ANO10: variants seen among roughly 807,000 people sequenced by gnomAD.
ANO10 encodes the protein anoctamin 10.
In ANO10, 77 loss-of-function variants were observed where a neutral mutation model predicts 74.7. The observed-to-expected ratio is 1.03, with a 90% confidence interval of 0.86 to 1.25. ANO10 has a LOEUF of 1.25. Ranked by LOEUF, ANO10 falls within the 50% of genes most tolerant of loss-of-function variation. The pLI, the probability that ANO10 is intolerant of heterozygous loss-of-function variation, is 0.00. For missense variants in ANO10, 721 were observed against 778.1 expected, an observed-to-expected ratio of 0.93 and a Z score of 0.87; for synonymous variants, 279 against 284.9, an observed-to-expected ratio of 0.98 and a Z score of 0.21.
intron 7 of ANO10, among the ~76,000 whole-genome samples, chr3:43,567,314 A>G (rs529777114): frequency 6.6e-6 from 1 of 151,444 alleles, no homozygotes; most frequent in African/African-American, 2.4e-5. Context: ...CAACGTTCAG[A>G]TTCAGGAAAT....
At chr3:43,451,087 A>AT (rs2074846229) in intron 11 of ANO10, among the ~76,000 whole-genome samples, 1 of 152,216 alleles carries the variant, frequency 6.6e-6, no homozygotes, top group Non-Finnish European at 1.5e-5. Context: ...ACTTTGAATC[A>AT]TGGTCCCTAA....
intron 12 of ANO10, among the ~76,000 whole-genome samples, chr3:43,420,524 AGAAAG>A (rs1015104218): frequency 6.8e-4 from 99 of 145,238 alleles, no homozygotes; most frequent in Admixed American, 6.2e-3. Flanking sequence ...AAAAGGAAAA[AGAAAG>A]GAAAGGAAAG....
chr3:43,432,523 G>GA, intron 12 of ANO10, 88 bp downstream of exon 12: 5 of 1,235,772 alleles, frequency 4.0e-6, no homozygotes, highest in South Asian at 1.2e-5. Flanking sequence ...CTTCAAGGCT[G>GA]AAAAAAATGC....
rs553769585 is a variant in ANO10, at chr3:43,383,551, G to A, written c.1915-16577C>T. Reference sequence around the variant, plus strand: ...TTAACATCTGCAAGTCAATAAATGTGATATACCACATAAACCAAATAAAAA... The same window carrying A: ...TTAACATCTGCAAGTCAATAAATGTAATATACCACATAAACCAAATAAAAA... On this transcript the variant is annotated intron_variant, in intron 12 of 12. Transcript: ENST00000292246. Among the ~76,000 whole-genome samples the A allele has an allele frequency of 1.8e-3, 275 of 151,250 alleles. 1 individual carries two copies. Among genetic ancestry groups the A allele is most frequent in the African/African-American group, 6.3e-3 (261 of 41,286 alleles).
intron 11 of ANO10, among the ~76,000 whole-genome samples, chr3:43,520,269 T>C (rs887885111): frequency 4.6e-5 from 7 of 152,214 alleles, no homozygotes; most frequent in African/African-American, 1.2e-4. Context: ...CTATTCAGGC[T>C]GCTATAAACA....
rs538264502 is a variant in ANO10 at position 43,597,767 on chromosome 3, T to A, written c.472+765A>T. On this transcript the variant is annotated intron_variant, in intron 4 of 12. Transcript: ENST00000292246. ...CCTAGAACTTAAAGTATAATAATAA[T>A]AAATAAAAAATTTTTAAAAAGTAAA... is the stretch of plus-strand genomic sequence containing the variant. Among the ~76,000 whole-genome samples the A allele has an allele frequency of 7.9e-5, 12 of 151,642 alleles. No homozygotes were observed. The East Asian group carries it at 1.9e-3, about 25-fold the overall frequency.
chr3:43,614,771 C>CTCTATATATA (rs1284004071), intron 1 of ANO10, among the ~76,000 whole-genome samples: 1 of 52,700 alleles, frequency 1.9e-5, no homozygotes, highest in African/African-American at 4.9e-5. Context: ...GAAAACTAAA[C>CTCTATATATA]TATATATATA....
At chr3:43,638,955 G>A (rs2149562653) in intron 1 of ANO10, 1 of 152,336 alleles carries the variant, frequency 6.6e-6, no homozygotes, top group East Asian at 1.9e-4. Flanking sequence ...TCATCTGAAG[G>A]CTTGACTCAG....
At chr3:43,372,769 C>T in intron 12 of ANO10, 2 of 1,388,518 alleles carry the variant, frequency 1.4e-6, no homozygotes, top group Non-Finnish European at 2.0e-6. Context: ...GACTAGACCC[C>T]AGGACCTATG....
chr3:43,621,397 TC>T (rs1335550389), intron 1 of ANO10, among the ~76,000 whole-genome samples: 1 of 152,018 alleles, frequency 6.6e-6, no homozygotes, highest in Non-Finnish European at 1.5e-5. Flanking sequence ...GCAAGCCCGC[TC>T]CGGCCAAACC....
chr3:43,591,852 G>A (rs543166805), intron 4 of ANO10, among the ~76,000 whole-genome samples: 2 of 152,346 alleles, frequency 1.3e-5, no homozygotes, highest in Non-Finnish European at 2.9e-5. Context: ...TCCTAGCCAA[G>A]GGAAGCCGTG....
intron 11 of ANO10, among the ~76,000 whole-genome samples, chr3:43,529,127 T>C (rs1374320669): frequency 2.0e-5 from 3 of 152,286 alleles, no homozygotes; most frequent in African/African-American, 7.2e-5. Context: ...ATTAAACACT[T>C]GGTCCTCCAA....
rs189071010 is a variant in ANO10 at position 43,558,408 on chromosome 3, A to G, written c.1476+2812T>C. On this transcript the variant is annotated intron_variant, in intron 9 of 12. Transcript: ENST00000292246. ...TCACAGGAAAAGGACAGCAGAGGAC[A>G]GTGAAGATCTAGGAAGCAACACAGC... is the stretch of plus-strand genomic sequence containing the variant. Among the ~76,000 whole-genome samples the G allele has an allele frequency of 5.2e-3, 798 of 152,282 alleles. 5 individuals are homozygous for G. The highest frequency in any genetic ancestry group is 0.017 in the African/African-American group (726 of 41,556).
intron 2 of ANO10, among the ~76,000 whole-genome samples, chr3:43,604,222 G>A (rs2082458934): frequency 6.6e-6 from 1 of 151,942 alleles, no homozygotes; most frequent in Non-Finnish European, 1.5e-5. Context: ...TCTTTGTGTT[G>A]GGAACATTCA....
intron 11 of ANO10, among the ~76,000 whole-genome samples, chr3:43,447,686 AT>A (rs1176778926): frequency 2.0e-5 from 3 of 152,142 alleles, no homozygotes; most frequent in African/African-American, 7.2e-5. Flanking sequence ...AAGTTCTACT[AT>A]TTTTTATTGA....
chr3:43,687,306 C>G (rs2084288116), intron 1 of ANO10, among the ~76,000 whole-genome samples: 1 of 152,196 alleles, frequency 6.6e-6, no homozygotes, highest in Admixed American at 6.5e-5. Context: ...CATTGAAGCC[C>G]TCATAAAACA....
At chr3:43,672,087 T>G (rs1454309009) in intron 1 of ANO10, among the ~76,000 whole-genome samples, 1 of 152,228 alleles carries the variant, frequency 6.6e-6, no homozygotes, top group Non-Finnish European at 1.5e-5. Context: ...GCATGACTGC[T>G]GGGAATGTCT....
intron 1 of ANO10, chr3:43,690,790 A>C (rs1462453211): frequency 1.1e-5 from 5 of 459,858 alleles, no homozygotes; most frequent in African/African-American, 2.1e-5. Context: ...GAACTAGTGC[A>C]TGCTGGCTGG....
chr3:43,567,034 A>G (rs2149367058), intron 7 of ANO10, among the ~76,000 whole-genome samples: 1 of 152,342 alleles, frequency 6.6e-6, no homozygotes, highest in African/African-American at 2.4e-5. Context: ...TACGTGAAGA[A>G]TGCAGAAGCC....
Sources: allele counts gnomAD v4.1 joint callset (sites outside exome capture counted in the v4.1 genomes callset), GRCh38; gene constraint gnomAD v4.1.1; transcripts MANE v1.5; gene names NCBI Gene and HGNC (gene_info 2026-07-23, HGNC 2026-07-21).